Variants in ATMIN observed in about 807,000 individuals in gnomAD.
The protein encoded by ATMIN is ATM interactor, also known as ATM INteracting protein.
In ATMIN, 24 loss-of-function variants were observed where a neutral mutation model predicts 49.2. The observed-to-expected ratio is 0.49, with a 90% CI of 0.35 to 0.69. The LOEUF (loss-of-function observed/expected upper bound fraction) is 0.69. Ranked by LOEUF, ATMIN falls within the 30% of genes least tolerant of loss-of-function variation. The pLI, the probability that ATMIN is intolerant of heterozygous loss-of-function variation, is 0.00. For missense variants in ATMIN, 1,037 were observed against 1,005.5 expected (o/e 1.03, Z -0.42); for synonymous variants, 450 against 392.5 (o/e 1.15, Z -1.73).
In ATMIN at chr16:81,044,100, C is replaced by G; in HGVS notation, c.1602C>G (p.Ser534Arg). 6 of 1,614,126 alleles carry G rather than the reference C, an allele frequency of 3.7e-6. No homozygotes were observed. Among genetic ancestry groups the G allele is most frequent in the Non-Finnish European group, 5.1e-6 (6 of 1,180,016 alleles). Reference sequence around the variant, plus strand: ...ATGTTGCTACAGGTAACATTATAAGCAACAGTTTAGTAGCAGAGACAGTAA... The same window carrying G: ...ATGTTGCTACAGGTAACATTATAAGGAACAGTTTAGTAGCAGAGACAGTAA... The part of the protein sequence containing the change: ...SYNVATGNII[S>R]NSLVAETVTH... Residue 534 changes from serine (S) to arginine (R), a missense_variant, in exon 4 of 4, where the codon AGC (serine) becomes AGG (arginine). Coordinates refer to ENST00000299575, the MANE Select transcript of ATMIN (RefSeq NM_015251.3).
In ATMIN at chr16:81,044,859, A is replaced by T. The variant is rs750842682; in HGVS notation, c.2361A>T (p.Thr787=). ...TCTTCACCAGCAACGAAACTCAGACAGCAATGGATGACTTTCTTCTGGCTG... is the reference window on the plus strand; with the variant it reads ...TCTTCACCAGCAACGAAACTCAGACTGCAATGGATGACTTTCTTCTGGCTG... ...SLFFTSNETQ[T]AMDDFLLADL... Residue 787 remains threonine (T), a synonymous_variant, in exon 4 of 4, where the codon ACA becomes ACT. Transcript: ENST00000299575. 3 of 1,614,214 alleles carry T rather than the reference A, an allele frequency of 1.9e-6. No individual in the cohort carries two copies. In the Admixed American group the frequency reaches 5.0e-5, roughly 27 times the overall value.
rs1971094981 is a variant in ATMIN, at chr16:81,044,923, G to A, written c.2425G>A (p.Val809Ile). 6.2e-7 allele frequency: 1 copy of A among 1,614,034 alleles called. No individual in the cohort carries two copies. The highest frequency in any genetic ancestry group is 2.2e-5 in the East Asian group (1 of 44,888). Residue 809 changes from valine (V) to isoleucine (I), a missense_variant, in exon 4 of 4, where the codon GTA (valine) becomes ATA (isoleucine). Val to Ile is a conservative substitution (Grantham distance 29). Coordinates refer to ENST00000299575, the MANE Select transcript of ATMIN (RefSeq NM_015251.3). ...WNTMESQFSS[V>I]ETQTSAEPHT... Reference sequence around the variant, plus strand: ...CACGATGGAGTCTCAGTTCAGCTCTGTAGAAACCCAGACTTCTGCGGAACC... The same window carrying A: ...CACGATGGAGTCTCAGTTCAGCTCTATAGAAACCCAGACTTCTGCGGAACC...
intron 1 of ATMIN, among the ~76,000 whole-genome samples, chr16:81,039,294 C>T (rs1397350431): frequency 6.6e-6 from 1 of 152,182 alleles, no homozygotes; most frequent in Non-Finnish European, 1.5e-5. Flanking sequence ...GTCTTAGTTA[C>T]AGCTGCTTGC....
chr16:81,045,148 G>GTAT lies in ATMIN; in HGVS notation c.*182_*184dup. ...CAGAAATTTGCGTATAAATGTGAGT[G>GTAT]TATTATAAAGTTTGAGATGTTGATC... On this transcript the variant is annotated 3_prime_UTR_variant, in exon 4 of 4. Coordinates refer to ENST00000299575, the MANE Select transcript of ATMIN (RefSeq NM_015251.3). 1 of 783,228 alleles carries GTAT rather than the reference G, an allele frequency of 1.3e-6. No homozygotes were observed. The highest frequency in any genetic ancestry group is 2.8e-5 in the East Asian group (1 of 35,384). 48.5% of individuals were successfully genotyped at this position (783,228 alleles called of 1,614,324 possible).
In ATMIN at chr16:81,043,776, T is replaced by C; in HGVS notation, c.1278T>C (p.Pro426=). The C allele has an allele frequency of 1.2e-6, 2 of 1,614,264 alleles. No individual in the cohort carries two copies. Among genetic ancestry groups the C allele is most frequent in the Non-Finnish European group, 1.7e-6 (2 of 1,180,042 alleles). ...CTTATGCCTCACAAAACTTTATACC[T>C]TCTGCACAGTGGGCCACTGCTGATT... is the stretch of plus-strand genomic sequence containing the variant. The part of the protein sequence containing the change: ...DLSYASQNFI[P]SAQWATADSS... The change falls in exon 4 of 4, where the codon CCT becomes CCC. Residue 426 remains proline (P), a synonymous_variant. Transcript: ENST00000299575.
At chr16:81,042,518 T>A in intron 3 of ATMIN, 38 bp downstream of exon 3, 1 of 1,592,966 alleles carries the variant, frequency 6.3e-7, no homozygotes, top group Non-Finnish European at 8.6e-7. Context: ...AGTCAGTAGC[T>A]ATGGGAAGCA....
rs141595738 is a variant in ATMIN at position 81,043,621 on chromosome 16, A to G, written c.1123A>G (p.Ile375Val). 3.4e-5 allele frequency: 55 copies of G among 1,614,160 alleles called. No homozygotes were observed. The highest frequency in any genetic ancestry group is 4.5e-5 in the Non-Finnish European group (53 of 1,180,028). The change falls in exon 4 of 4, where the codon ATT becomes GTT. Residue 375 changes from isoleucine to valine, a missense_variant. Ile to Val is a conservative substitution (Grantham distance 29). Coordinates refer to ENST00000299575, the MANE Select transcript of ATMIN (RefSeq NM_015251.3). Reference sequence around the variant, plus strand: ...ACCTCTTTTCAAAATTGCTAATCCTATTGCTGGTGAGCCAATAAGTACTGG... The same window carrying G: ...ACCTCTTTTCAAAATTGCTAATCCTGTTGCTGGTGAGCCAATAAGTACTGG... Reference protein sequence around the residue: ...SLPLFKIANPIAGEPISTGVQ... With the variant: ...SLPLFKIANPVAGEPISTGVQ...
intron 1 of ATMIN, 29 bp downstream of exon 1, chr16:81,036,235 G>C (rs764766326): frequency 1.5e-6 from 2 of 1,360,278 alleles, no homozygotes; most frequent in South Asian, 2.9e-5. Context: ...GCGGCCCGGG[G>C]GGCCGGGCCT....
chr16:81,044,567 G>A lies in ATMIN; in HGVS notation c.2069G>A (p.Gly690Glu), dbSNP rs199871299. 18 of 1,613,992 alleles carry A rather than the reference G, an allele frequency of 1.1e-5. No homozygotes were observed. Among genetic ancestry groups the A allele is most frequent in the Non-Finnish European group, 1.4e-5 (17 of 1,179,988 alleles). The change falls in exon 4 of 4, where the codon GGA becomes GAA. Residue 690 changes from glycine (G) to glutamate (E), a missense_variant. By Grantham distance (98) the Gly-to-Glu change is moderately conservative. Coordinates refer to ENST00000299575, the MANE Select transcript of ATMIN (RefSeq NM_015251.3). ...TCTGCTCAGTCCTATGGGTGTAGGG[G>A]AAATTCTAACTTCTTAGGCCTTGAG... Reference protein sequence around the residue: ...DTSAQSYGCRGNSNFLGLEMF... With the variant: ...DTSAQSYGCRENSNFLGLEMF...
intron 1 of ATMIN, among the ~76,000 whole-genome samples, chr16:81,039,840 G>C (rs1971010321): frequency 6.6e-6 from 1 of 152,112 alleles, no homozygotes; most frequent in African/African-American, 2.4e-5. Context: ...ATTTTTTAAG[G>C]AAAGGAAAGG....
In ATMIN at chr16:81,035,892, G is replaced by C. The variant is rs1970917628; in HGVS notation, c.22G>C (p.Ala8Pro). 8 of 976,876 alleles carry C rather than the reference G, an allele frequency of 8.2e-6. No homozygotes were observed. Among genetic ancestry groups the C allele is most frequent in the Non-Finnish European group, 9.7e-6 (8 of 824,060 alleles). The allele number at this position is 976,876 out of a possible 1,614,324, so 60.5% of individuals were successfully genotyped here. The part of the protein sequence containing the change: MAASEAA[A>P]AAGSAALAAG... ...AGCCATGGCGGCCTCGGAGGCGGCG[G>C]CGGCGGCGGGGTCCGCGGCTCTGGC... The change falls in exon 1 of 4, where the codon GCG (alanine) becomes CCG (proline). Residue 8 changes from alanine to proline, a missense_variant. Coordinates refer to ENST00000299575, the MANE Select transcript of ATMIN (RefSeq NM_015251.3).
intron 1 of ATMIN, among the ~76,000 whole-genome samples, chr16:81,039,139 G>T (rs79603321): frequency 6.6e-6 from 1 of 152,002 alleles, no homozygotes; most frequent in African/African-American, 2.4e-5. Context: ...ACTGGAAGAA[G>T]GTAGGGGTAA....
At chr16:81,038,302 T>A (rs1481056049) in intron 1 of ATMIN, among the ~76,000 whole-genome samples, 1 of 151,912 alleles carries the variant, frequency 6.6e-6, no homozygotes, top group Non-Finnish European at 1.5e-5. Flanking sequence ...AGCTAATTTT[T>A]GTATTTTTAG....
chr16:81,041,746 C>G (rs1179044046), intron 2 of ATMIN: 1 of 312,384 alleles, frequency 3.2e-6, no homozygotes, highest in East Asian at 6.1e-5. Flanking sequence ...AATGTTTGCT[C>G]GCAGATCTCC....
In ATMIN at chr16:81,042,391, C is replaced by G; in HGVS notation, c.573C>G (p.Phe191Leu). The G allele has an allele frequency of 1.9e-6, 3 of 1,614,146 alleles. No homozygotes were observed. Among genetic ancestry groups the G allele is most frequent in the South Asian group, 1.1e-5 (1 of 91,080 alleles). The change falls in exon 3 of 4, where the codon TTC (phenylalanine) becomes TTG (leucine). Residue 191 changes from phenylalanine to leucine, a missense_variant. By Grantham distance (22) the Phe-to-Leu change is conservative. Transcript: ENST00000299575. ...KRHAEDCGKT[F>L]RCTCGCPYAS... Reference sequence around the variant, plus strand: ...ATGCAGAGGACTGTGGCAAGACCTTCCGGTGCACATGCGGCTGTCCCTACG... The same window carrying G: ...ATGCAGAGGACTGTGGCAAGACCTTGCGGTGCACATGCGGCTGTCCCTACG...
At position 81,044,759 on chromosome 16, in the gene ATMIN, T is replaced by G; in HGVS notation, c.2261T>G (p.Leu754Arg). 2 of 1,614,210 alleles carry G rather than the reference T, an allele frequency of 1.2e-6. No individual in the cohort carries two copies. The highest frequency in any genetic ancestry group is 1.7e-6 in the Non-Finnish European group (2 of 1,180,038). ...TCCACTGCTAAAAATATACCTGCTC[T>G]AGAAAGCAAAGTTCAGTTGAACAGT... ...GVSTAKNIPA[L>R]ESKVQLNSTE... Residue 754 changes from leucine (L) to arginine (R), a missense_variant, in exon 4 of 4, where the codon CTA becomes CGA. Physicochemically the swap from Leu to Arg is moderately radical, Grantham distance 102 (BLOSUM62 -2). Transcript: ENST00000299575.
intron 1 of ATMIN, chr16:81,037,617 T>C (rs1313453409): frequency 1.7e-6 from 1 of 601,816 alleles, no homozygotes; most frequent in Non-Finnish European, 2.1e-6. Flanking sequence ...TAAATCCTTT[T>C]CTTCCCTATT....
chr16:81,041,179 C>G (rs1434697549), intron 1 of ATMIN, 177 bp from the exon 2 acceptor site: 1 of 595,716 alleles, frequency 1.7e-6, no homozygotes, highest in African/African-American at 1.9e-5. Context: ...TTAGTATTCT[C>G]ACCACATTTC....
intron 1 of ATMIN, among the ~76,000 whole-genome samples, chr16:81,040,022 G>A (rs1971012754): frequency 1.3e-5 from 2 of 152,014 alleles, no homozygotes; most frequent in African/African-American, 4.8e-5. Flanking sequence ...TCTTACAATC[G>A]TTTCTTTTCA....
Sources: allele counts gnomAD v4.1 joint callset (sites outside exome capture counted in the v4.1 genomes callset), GRCh38; gene constraint gnomAD v4.1.1; transcripts MANE v1.5; gene names NCBI Gene and HGNC (gene_info 2026-07-23, HGNC 2026-07-21).